Variants in CNIH3 observed in about 807,000 individuals in gnomAD.
CNIH3 encodes the protein cornichon family AMPA receptor auxiliary protein 3, also known as protein cornichon homolog 3.
In CNIH3, 14 loss-of-function variants were observed where a neutral mutation model predicts 24.1. The ratio of observed to expected loss-of-function variants is 0.58; its 90% CI spans 0.38 to 0.91. CNIH3 has a LOEUF of 0.91. Among genes scored for constraint, CNIH3 ranks in the 40% least tolerant of loss-of-function variants. The pLI, the probability that CNIH3 is intolerant of heterozygous loss-of-function variation, is 0.00. For missense variants in CNIH3, 178 were observed against 196.8 expected, an observed-to-expected ratio of 0.90 and a Z score of 0.57; for synonymous variants, 68 against 73.8, an observed-to-expected ratio of 0.92 and a Z score of 0.40.
At chr1:224,563,698 T>A (rs928004301) in intron 3 of CNIH3, among the ~76,000 whole-genome samples, 1 of 152,218 alleles carries the variant, frequency 6.6e-6, no homozygotes, top group Non-Finnish European at 1.5e-5. Context: ...TGTTGTGTCT[T>A]AGGGAAGGGA....
At chr1:224,574,424 T>C in intron 4 of CNIH3, 3 of 598,314 alleles carry the variant, frequency 5.0e-6, no homozygotes, top group Non-Finnish European at 6.0e-6. Context: ...GTCTGGAGAG[T>C]GCAGCAGCCA....
chr1:224,558,380 A>G (rs181668493), intron 3 of CNIH3, among the ~76,000 whole-genome samples: 311 of 152,246 alleles, frequency 2.0e-3, no homozygotes, highest in African/African-American at 6.9e-3. Context: ...ACTATTGGTC[A>G]AAGCAAGTCC....
At chr1:224,540,425 G>C (rs1242099340), downstream of CNIH3, among the ~76,000 whole-genome samples, 5 of 152,154 alleles carry the variant, frequency 3.3e-5, no homozygotes, top group African/African-American at 9.7e-5. Context: ...GAGTTTAAAT[G>C]GGACATTTTT....
upstream of CNIH3, among the ~76,000 whole-genome samples, chr1:224,614,199 T>C (rs1003734156): frequency 2.0e-5 from 3 of 152,178 alleles, no homozygotes; most frequent in Non-Finnish European, 4.4e-5. Flanking sequence ...TTTATAGCAA[T>C]GCAAGAACGG....
In CNIH3 at chr1:224,622,292, G is replaced by A. The variant is rs775794083; in HGVS notation, c.81+5037G>A. Among the ~76,000 whole-genome samples, 9 of 152,328 alleles carry A rather than the reference G, an allele frequency of 5.9e-5. No homozygotes were observed. In the East Asian group the frequency reaches 1.3e-3, roughly 23 times the overall value. On this transcript the variant is annotated intron_variant, in intron 1 of 5. Transcript: ENST00000272133. ...GAAGCTAATTATTGCAAAGAAGACTGGCCATTGCCATGGGGTATAGGGCCC... is the reference window on the plus strand; with the variant it reads ...GAAGCTAATTATTGCAAAGAAGACTAGCCATTGCCATGGGGTATAGGGCCC...
chr1:224,470,208 C>T (rs571605543), intron 1 of CNIH3, among the ~76,000 whole-genome samples: 7 of 151,630 alleles, frequency 4.6e-5, no homozygotes, highest in Admixed American at 1.3e-4. Context: ...TTAGTAGAGA[C>T]GGGGTTTCAC....
intron 3 of CNIH3, among the ~76,000 whole-genome samples, chr1:224,557,537 C>A (rs1054604935): frequency 6.6e-6 from 1 of 152,168 alleles, no homozygotes; most frequent in African/African-American, 2.4e-5. Flanking sequence ...ACGATCTCAG[C>A]TCACTGCAAC....
chr1:224,459,954 G>A (rs969236672), intron 1 of CNIH3, among the ~76,000 whole-genome samples: 1 of 147,872 alleles, frequency 6.8e-6, no homozygotes, highest in African/African-American at 2.5e-5. Context: ...ACAGCTCACT[G>A]CAGCCTCAAC....
At chr1:224,463,531 C>A (rs943402473) in intron 1 of CNIH3, among the ~76,000 whole-genome samples, 1 of 151,954 alleles carries the variant, frequency 6.6e-6, no homozygotes, top group Non-Finnish European at 1.5e-5. Context: ...GCCTCAGCCT[C>A]CCGAGTAGCT....
intron 3 of CNIH3, among the ~76,000 whole-genome samples, chr1:224,693,379 A>G (rs777722636): frequency 6.6e-6 from 1 of 152,240 alleles, no homozygotes; most frequent in African/African-American, 2.4e-5. Flanking sequence ...TTGCCCTGAT[A>G]ATAAGGTATC....
chr1:224,600,532 T>A (rs945448260), intron 3 of CNIH3, among the ~76,000 whole-genome samples: 1 of 152,148 alleles, frequency 6.6e-6, no homozygotes, highest in African/African-American at 2.4e-5. Flanking sequence ...CTCGCTCTGT[T>A]GTCCAGGCTG....
At chr1:224,437,396 C>T (rs144419528) in intron 1 of CNIH3, among the ~76,000 whole-genome samples, 1 of 152,182 alleles carries the variant, frequency 6.6e-6, no homozygotes, top group Non-Finnish European at 1.5e-5. Flanking sequence ...AGCAAACAAG[C>T]CTTTTTCACA....
chr1:224,737,491 G>A (rs1224472779), intron 5 of CNIH3, among the ~76,000 whole-genome samples: 3 of 150,830 alleles, frequency 2.0e-5, no homozygotes, highest in Non-Finnish European at 4.4e-5. Flanking sequence ...GCTCTTTGGG[G>A]CTGCTTAAAA....
chr1:224,646,843 T>G (rs570148086), intron 1 of CNIH3, among the ~76,000 whole-genome samples: 1 of 152,290 alleles, frequency 6.6e-6, no homozygotes, highest in Non-Finnish European at 1.5e-5. Flanking sequence ...AGAGTATGAG[T>G]GCTGGTGTCC....
chr1:224,550,686 C>T (rs1342725266), intron 3 of CNIH3, among the ~76,000 whole-genome samples: 1 of 152,064 alleles, frequency 6.6e-6, no homozygotes, highest in African/African-American at 2.4e-5. Flanking sequence ...ATAGAAATAT[C>T]AGAGCGATGA....
chr1:224,706,958 C>CTTTT (rs71170031), intron 3 of CNIH3, among the ~76,000 whole-genome samples: 534 of 82,112 alleles, frequency 6.5e-3, no homozygotes, highest in African/African-American at 0.01. Context: ...TCCTTTCTTT[C>CTTTT]TTTTTTTTTT....
At chr1:224,612,702 A>C (rs1230726076), upstream of CNIH3, among the ~76,000 whole-genome samples, 2 of 152,204 alleles carry the variant, frequency 1.3e-5, no homozygotes, top group Admixed American at 1.3e-4. This position sits in a 1 kb window ranked among gnomAD's most constrained non-coding sequence, Gnocchi z 4.7. Flanking sequence ...TAGGCCTCAA[A>C]TGACTGTAAG....
intron 1 of CNIH3, among the ~76,000 whole-genome samples, chr1:224,677,642 C>T (rs1686202489): frequency 2.0e-5 from 3 of 152,230 alleles, no homozygotes; most frequent in South Asian, 2.1e-4. Context: ...AGGTAGGGGT[C>T]GCTGGCTCTC....
At chr1:224,596,888 C>T (rs1407751781) in intron 3 of CNIH3, among the ~76,000 whole-genome samples, 1 of 152,120 alleles carries the variant, frequency 6.6e-6, no homozygotes, top group East Asian at 1.9e-4. Context: ...TGTGGTGGCT[C>T]ACACCTGTAA....
Sources: gnomAD v4.1 joint callset for allele counts (sites outside exome capture counted in the v4.1 genomes callset) on GRCh38, gnomAD v4.1.1 for gene constraint, Gnocchi (gnomAD v3.1) non-coding constraint, MANE v1.5 for transcripts, NCBI Gene and HGNC (gene_info 2026-07-23, HGNC 2026-07-21) for gene names.